Variants in PCDHGA2 observed in about 807,000 individuals in gnomAD.
PCDHGA2 encodes the protein protocadherin gamma subfamily A, 2.
A neutral mutation model predicts 59.2 loss-of-function variants in PCDHGA2; 40 were observed. The observed-to-expected ratio is 0.68, with a 90% CI of 0.52 to 0.88. The LOEUF (loss-of-function observed/expected upper bound fraction) is 0.88. Ranked by LOEUF, PCDHGA2 falls within the 40% of genes least tolerant of loss-of-function variation. PCDHGA2 has a pLI of 0.00. For missense variants in PCDHGA2, 1,226 were observed against 1,204.0 expected, an observed-to-expected ratio of 1.02 and a Z score of -0.27; for synonymous variants, 560 against 526.0, an observed-to-expected ratio of 1.06 and a Z score of -0.89.
At chr5:141,417,958 C>T (rs1255501304) in intron 1 of PCDHGA2, 3 of 1,613,720 alleles carry the variant, frequency 1.9e-6, no homozygotes, top group South Asian at 2.2e-5. Context: ...GTGAGCCGAT[C>T]CGCTACTCGA....
chr5:141,361,506 C>A (rs753696787), intron 1 of PCDHGA2: 2 of 1,614,046 alleles, frequency 1.2e-6, no homozygotes, highest in Non-Finnish European at 8.5e-7. Context: ...AGACTTCCTA[C>A]ATGGTTCACG....
chr5:141,347,104 T>C (rs1483718099), intron 1 of PCDHGA2, among the ~76,000 whole-genome samples: 5 of 151,012 alleles, frequency 3.3e-5, no homozygotes, highest in Non-Finnish European at 7.4e-5. Flanking sequence ...CCTTCCTCTC[T>C]CTCTTTCCTC....
At chr5:141,424,748 A>G (rs1218712198) in intron 1 of PCDHGA2, 3 of 152,034 alleles carry the variant, frequency 2.0e-5, no homozygotes, top group African/African-American at 4.8e-5. Flanking sequence ...TTCTTTCTTT[A>G]TAAGGTCATT....
At chr5:141,418,201 A>G (rs2096236241) in intron 1 of PCDHGA2, 1 of 1,614,020 alleles carries the variant, frequency 6.2e-7, no homozygotes, top group Non-Finnish European at 8.5e-7. Flanking sequence ...AAAATCCTTT[A>G]AATATTTTTC....
Position 141,485,294 on chromosome 5 carries a change from G to A in PCDHGA2, c.2425-9513G>A, listed in dbSNP as rs2099611126. Reference sequence around the variant, plus strand: ...CTACCCGGTCCCAGAGGAGTCACAGGAAGGGACTTTTGTAGGGAATGTCGC... The same window carrying A: ...CTACCCGGTCCCAGAGGAGTCACAGAAAGGGACTTTTGTAGGGAATGTCGC... On this transcript the variant is annotated intron_variant, in intron 1 of 3. Coordinates refer to ENST00000394576, the MANE Select transcript of PCDHGA2 (RefSeq NM_018915.4). The surrounding 1 kb of genome is among the most constrained non-coding windows in gnomAD (Gnocchi z 5.7). The A allele has an allele frequency of 6.2e-7, 1 of 1,614,044 alleles. No homozygotes were observed. Among genetic ancestry groups the A allele is most frequent in the Non-Finnish European group, 8.5e-7 (1 of 1,179,988 alleles).
intron 1 of PCDHGA2, among the ~76,000 whole-genome samples, chr5:141,457,628 C>T (rs1210673176): frequency 6.6e-6 from 1 of 152,244 alleles, no homozygotes; most frequent in Non-Finnish European, 1.5e-5. Context: ...TAATCTTATA[C>T]TTGGCCTGAT....
At position 141,339,496 on chromosome 5, in the gene PCDHGA2, T is replaced by C. The variant is rs1423742192; in HGVS notation, c.525T>C (p.Asn175=). ...NALQKYALNP[N]DHFSLDVRRG... ...TTCAGAAGTACGCACTCAACCCAAA[T>C]GACCACTTCTCCCTGGACGTGCGAA... is the stretch of plus-strand genomic sequence containing the variant. The change falls in exon 1 of 4, where the codon AAT becomes AAC. Residue 175 remains asparagine (N), a synonymous_variant. Coordinates refer to ENST00000394576, the MANE Select transcript of PCDHGA2 (RefSeq NM_018915.4). The C allele has an allele frequency of 2.5e-6, 4 of 1,614,148 alleles. No individual in the cohort carries two copies. In the South Asian group the frequency reaches 4.4e-5, roughly 18 times the overall value.
chr5:141,361,828 C>T, intron 1 of PCDHGA2: 1 of 1,613,014 alleles, frequency 6.2e-7, no homozygotes, highest in Non-Finnish European at 8.5e-7. Flanking sequence ...GGTGCTGTAC[C>T]CCGCGCTGGG....
At chr5:141,464,120 C>G (rs1297254980) in intron 1 of PCDHGA2, among the ~76,000 whole-genome samples, 1 of 151,976 alleles carries the variant, frequency 6.6e-6, no homozygotes, top group African/African-American at 2.4e-5. Flanking sequence ...CAAAAATTAG[C>G]TGGGTGTGGT....
At chr5:141,507,429 G>C (rs1191174823) in intron 3 of PCDHGA2, 3 of 152,238 alleles carry the variant, frequency 2.0e-5, no homozygotes, top group African/African-American at 7.2e-5. Flanking sequence ...AGTGGGGCCA[G>C]GCCTACAGCT....
At position 141,432,651 on chromosome 5, in the gene PCDHGA2, C is replaced by A; in HGVS notation, c.2425-62156C>A. 2.5e-6 allele frequency: 4 copies of A among 1,613,824 alleles called. No individual in the cohort carries two copies. The highest frequency in any genetic ancestry group is 1.1e-5 in the South Asian group (1 of 91,058). ...ACGGGCGAGGTGCGCACGGCGCGAG[C>A]CCTGCTGGACAGAGACGCGCTCAAG... On this transcript the variant is annotated intron_variant, in intron 1 of 3. Coordinates refer to ENST00000394576, the MANE Select transcript of PCDHGA2 (RefSeq NM_018915.4). This position sits in a 1 kb window ranked among gnomAD's most constrained non-coding sequence, Gnocchi z 6.0.
Position 141,431,663 on chromosome 5 carries a change from T to G in PCDHGA2, c.2425-63144T>G, listed in dbSNP as rs2097405149. ...ACTAGATTGTAATTCAGGGACAATA[T>G]CAACAATAGGGGAGTTGGACCACGA... On this transcript the variant is annotated intron_variant, in intron 1 of 3. Coordinates refer to ENST00000394576, the MANE Select transcript of PCDHGA2 (RefSeq NM_018915.4). The surrounding 1 kb of genome is among the most constrained non-coding windows in gnomAD (Gnocchi z 4.8). The G allele has an allele frequency of 6.2e-7, 1 of 1,614,168 alleles. No individual in the cohort carries two copies.
chr5:141,374,711 C>G (rs1770761999), intron 1 of PCDHGA2: 7 of 1,609,366 alleles, frequency 4.3e-6, no homozygotes, highest in Non-Finnish European at 5.1e-6. Flanking sequence ...CGTTTACCGC[C>G]TGGTCCTTAC....
In PCDHGA2 at chr5:141,360,410, G is replaced by T. The variant is rs773770981; in HGVS notation, c.2424+19015G>T. ...TTACTTGTGAGTGACAGAATAGACC[G>T]AGAACAGATATGCGGGAAGCAGCCT... On this transcript the variant is annotated intron_variant, in intron 1 of 3. Transcript: ENST00000394576. The T allele has an allele frequency of 1.9e-6, 3 of 1,613,964 alleles. No homozygotes were observed. The South Asian group carries it at 3.3e-5, about 18-fold the overall frequency.
intron 1 of PCDHGA2, chr5:141,414,753 T>A: frequency 6.2e-7 from 1 of 1,614,202 alleles, no homozygotes; most frequent in Non-Finnish European, 8.5e-7. Flanking sequence ...CCTTCGACTA[T>A]GAGCAGTTTC....
intron 1 of PCDHGA2, chr5:141,409,795 G>A (rs764584425): frequency 1.2e-6 from 2 of 1,611,722 alleles, no homozygotes; most frequent in Admixed American, 1.7e-5. Context: ...TCGCGCTCAC[G>A]CTGCAGGCCC....
At chr5:141,464,264 A>G (rs1357786078) in intron 1 of PCDHGA2, among the ~76,000 whole-genome samples, 2 of 130,598 alleles carry the variant, frequency 1.5e-5, no homozygotes, top group East Asian at 4.2e-4. Flanking sequence ...GACTCCGTCT[A>G]AAAAAAAAAA....
At chr5:141,369,276 A>T (rs1275189413) in intron 1 of PCDHGA2, among the ~76,000 whole-genome samples, 1 of 152,086 alleles carries the variant, frequency 6.6e-6, no homozygotes, top group Non-Finnish European at 1.5e-5. Context: ...CTTACAATTC[A>T]CTCCCCAATC....
At chr5:141,378,584 A>T (rs1775030344) in intron 1 of PCDHGA2, 1 of 152,240 alleles carries the variant, frequency 6.6e-6, no homozygotes, top group Admixed American at 6.5e-5. Flanking sequence ...CATGCTCGGT[A>T]GTGTCTGCTT....
Sources: gnomAD v4.1 joint callset for allele counts (sites outside exome capture counted in the v4.1 genomes callset) on GRCh38, gnomAD v4.1.1 for gene constraint, Gnocchi (gnomAD v3.1) non-coding constraint, MANE v1.5 for transcripts, NCBI Gene and HGNC (gene_info 2026-07-23, HGNC 2026-07-21) for gene names.